SLCO1B3: variants seen among roughly 807,000 people sequenced by gnomAD.
SLCO1B3 encodes the protein liver-specific organic anion transporter 2.
A neutral mutation model predicts 71.8 loss-of-function variants in SLCO1B3; 72 were observed. The ratio of observed to expected loss-of-function variants is 1.00; its 90% confidence interval spans 0.83 to 1.22. SLCO1B3 has a LOEUF of 1.22. Among genes scored for constraint, SLCO1B3 ranks in the 50% most tolerant of loss-of-function variants. The pLI is 0.00. For synonymous variants in SLCO1B3, 298 were observed against 278.4 expected (o/e 1.07, Z -0.70); for missense variants, 911 against 819.7 (o/e 1.11, Z -1.36).
chr12:20,881,831 A>G (rs1287081600), intron 12 of SLCO1B3, among the ~76,000 whole-genome samples: 1 of 152,148 alleles, frequency 6.6e-6, no homozygotes, highest in African/African-American at 2.4e-5. Flanking sequence ...TATTACCAAC[A>G]TTAGCAATAT....
At position 20,815,804 on chromosome 12, in the gene SLCO1B3, A is replaced by G; in HGVS notation, c.66A>G (p.Arg22=). 6.3e-7 allele frequency: 1 copy of G among 1,594,890 alleles called. No homozygotes were observed. Among genetic ancestry groups the G allele is most frequent in the Non-Finnish European group, 8.6e-7 (1 of 1,168,952 alleles). The change falls in exon 3 of 16, where the codon AGA becomes AGG. Residue 22 remains arginine, a synonymous_variant. Transcript: ENST00000381545. ...ESASSEKKKT[R]RCNGFKMFLA... is the part of the protein sequence containing the mutation. The stretch of plus-strand genomic sequence containing the variant: ...CATCTTCAGAGAAAAAGAAAACAAG[A>G]CGCTGCAATGGATTCAAGGTAGAAT...
chr12:20,837,784 T>C (rs967456511), intron 3 of SLCO1B3, among the ~76,000 whole-genome samples: 1 of 152,180 alleles, frequency 6.6e-6, no homozygotes, highest in Non-Finnish European at 1.5e-5. Context: ...TCTATTCTAC[T>C]GTTGTTGGAT....
At chr12:20,859,313 A>G (rs902757902) in intron 5 of SLCO1B3, among the ~76,000 whole-genome samples, 1 of 152,192 alleles carries the variant, frequency 6.6e-6, no homozygotes, top group Non-Finnish European at 1.5e-5. Context: ...TAGATGTTGG[A>G]AAAATGTACT....
chr12:20,829,830 G>C (rs138595009), intron 3 of SLCO1B3, among the ~76,000 whole-genome samples: 1 of 152,254 alleles, frequency 6.6e-6, no homozygotes, highest in African/African-American at 2.4e-5. Context: ...TTTGTAGACC[G>C]TATAGGGTAA....
chr12:20,845,373 G>A (rs1204294224), intron 3 of SLCO1B3: 1 of 211,478 alleles, frequency 4.7e-6, no homozygotes, highest in Admixed American at 5.6e-5. Flanking sequence ...CAGAAAGTCA[G>A]CTGTCCTGGC....
chr12:20,903,520 C>A (rs1254717420), intron 15 of SLCO1B3, among the ~76,000 whole-genome samples: 2 of 152,138 alleles, frequency 1.3e-5, no homozygotes, highest in African/African-American at 4.8e-5. Context: ...CCTCAGAAAA[C>A]TCACAATCAT....
chr12:20,845,551 G>T (rs142364159), intron 3 of SLCO1B3, among the ~76,000 whole-genome samples: 1 of 152,098 alleles, frequency 6.6e-6, no homozygotes, highest in African/African-American at 2.4e-5. Context: ...AAGGACCTCA[G>T]AACTAAAGCC....
At chr12:20,866,635 G>A (rs970172841) in intron 8 of SLCO1B3, among the ~76,000 whole-genome samples, 1 of 152,042 alleles carries the variant, frequency 6.6e-6, no homozygotes, top group South Asian at 2.1e-4. Flanking sequence ...CCACTTAGGA[G>A]TAACAGAAAA....
chr12:20,825,221 C>T (rs938741920), intron 3 of SLCO1B3, among the ~76,000 whole-genome samples: 4 of 152,062 alleles, frequency 2.6e-5, no homozygotes, highest in Admixed American at 6.6e-5. Context: ...GCTGGTCTTT[C>T]ATCAAACTAT....
At chr12:20,855,610 A>C (rs1263665582) in intron 4 of SLCO1B3, among the ~76,000 whole-genome samples, 1 of 151,626 alleles carries the variant, frequency 6.6e-6, no homozygotes, top group Non-Finnish European at 1.5e-5. Flanking sequence ...GGAGCAACCT[A>C]CACTAGATTC....
Position 20,916,457 on chromosome 12 carries a change from A to T in SLCO1B3, c.*210A>T. 2.3e-6 allele frequency: 1 copy of T among 435,494 alleles called. No individual in the cohort carries two copies. Among genetic ancestry groups the T allele is most frequent in the South Asian group, 3.8e-5 (1 of 26,060 alleles). 27.0% of individuals were successfully genotyped at this position (435,494 alleles called of 1,614,324 possible). ...TCCATAAAAATTTAAAGTGAGAGGC[A>T]TGGTTAGTGTGTGATACAATAAAAA... On this transcript the variant is annotated 3_prime_UTR_variant, in exon 16 of 16. Coordinates refer to ENST00000381545, the MANE Select transcript of SLCO1B3 (RefSeq NM_019844.4).
chr12:20,883,336 T>A (rs2053097), intron 12 of SLCO1B3, 82 bp from the exon 13 acceptor site: 7 of 781,642 alleles, frequency 9.0e-6, no homozygotes, highest in Middle Eastern at 4.0e-4. Flanking sequence ...AGTTTGAGAC[T>A]TCTTTAAATA....
intron 13 of SLCO1B3, among the ~76,000 whole-genome samples, chr12:20,887,801 G>T (rs59209434): frequency 0.022 from 3,265 of 151,562 alleles, 120 homozygotes; most frequent in African/African-American, 0.074. Context: ...TCTTTGCCTA[G>T]ATCATTGTCC....
intron 3 of SLCO1B3, among the ~76,000 whole-genome samples, chr12:20,842,289 C>T (rs1864818736): frequency 6.6e-6 from 1 of 152,116 alleles, no homozygotes; most frequent in African/African-American, 2.4e-5. Context: ...AATATTTTGA[C>T]TACTTGACCT....
intron 3 of SLCO1B3, among the ~76,000 whole-genome samples, chr12:20,817,010 T>C (rs534557682): frequency 1.2e-4 from 18 of 152,350 alleles, no homozygotes; most frequent in Admixed American, 1.0e-3. Context: ...TTTTGAGAAA[T>C]GTATATTCAA....
intron 13 of SLCO1B3, among the ~76,000 whole-genome samples, chr12:20,892,632 CT>C (rs1449468930): frequency 6.6e-6 from 1 of 152,084 alleles, no homozygotes. Context: ...GAATATTGAA[CT>C]TTTTTCTGCT....
chr12:20,829,286 A>G (rs955563284), intron 3 of SLCO1B3, among the ~76,000 whole-genome samples: 11 of 152,314 alleles, frequency 7.2e-5, no homozygotes, highest in Middle Eastern at 3.4e-3. Context: ...AAAAACTACA[A>G]TTCAGCTACT....
At chr12:20,894,498 G>A (rs111295678) in intron 13 of SLCO1B3, among the ~76,000 whole-genome samples, 2,593 of 152,166 alleles carry the variant, frequency 0.017, 27 homozygotes, top group Non-Finnish European at 0.028. Flanking sequence ...CTATCTGCAA[G>A]TCCCCCCAAG....
intron 3 of SLCO1B3, among the ~76,000 whole-genome samples, chr12:20,848,198 A>G (rs553990230): frequency 6.6e-6 from 1 of 152,312 alleles, no homozygotes; most frequent in African/African-American, 2.4e-5. Flanking sequence ...TACCTTACTG[A>G]TGGGCATATA....
Sources: allele counts gnomAD v4.1 joint callset (sites outside exome capture counted in the v4.1 genomes callset), GRCh38; gene constraint gnomAD v4.1.1; transcripts MANE v1.5; gene names NCBI Gene and HGNC (gene_info 2026-07-23, HGNC 2026-07-21).